Variants in NAALADL2 observed in about 807,000 individuals in gnomAD.
NAALADL2 encodes N-acetylated alpha-linked acidic dipeptidase like 2.
In NAALADL2, 76 loss-of-function variants were observed where a neutral mutation model predicts 87.2. The ratio of observed to expected loss-of-function variants is 0.87; its 90% CI spans 0.72 to 1.05. NAALADL2 has a LOEUF of 1.05. Ranked by LOEUF, NAALADL2 falls within the 50% of genes least tolerant of loss-of-function variation. The probability of loss-of-function intolerance (pLI) is 0.00; values close to 1 mark genes in which losing one functional copy is unlikely to be tolerated. For missense variants in NAALADL2, 1,089 were observed against 945.8 expected, an observed-to-expected ratio of 1.15 and a Z score of -1.99; for synonymous variants, 354 against 331.0, an observed-to-expected ratio of 1.07 and a Z score of -0.75.
intron 1 of NAALADL2, among the ~76,000 whole-genome samples, chr3:174,918,466 C>T (rs1427172374): frequency 6.6e-6 from 1 of 152,146 alleles, no homozygotes; most frequent in Non-Finnish European, 1.5e-5. Context: ...GGATTTATTA[C>T]TGCTCACTAG....
At chr3:175,408,984 A>G (rs912785741) in intron 5 of NAALADL2, among the ~76,000 whole-genome samples, 1 of 151,956 alleles carries the variant, frequency 6.6e-6, no homozygotes, top group African/African-American at 2.4e-5. Context: ...AGTTATTTAC[A>G]CTATACCCAC....
intron 6 of NAALADL2, among the ~76,000 whole-genome samples, chr3:175,447,973 A>G (rs1720963679): frequency 6.6e-6 from 1 of 152,176 alleles, no homozygotes; most frequent in Non-Finnish European, 1.5e-5. Flanking sequence ...GGTTCTAAAG[A>G]AAAGCCTCTC....
chr3:175,096,209 CAG>C (rs1455200998), intron 1 of NAALADL2, among the ~76,000 whole-genome samples: 4 of 152,060 alleles, frequency 2.6e-5, no homozygotes, highest in African/African-American at 9.7e-5. Flanking sequence ...TGTAACATAA[CAG>C]ATTTTGCTTC....
chr3:175,194,493 T>A (rs1327370052), intron 2 of NAALADL2, among the ~76,000 whole-genome samples: 1 of 151,814 alleles, frequency 6.6e-6, no homozygotes, highest in Non-Finnish European at 1.5e-5. Context: ...TCAATTTTAA[T>A]GAAAGGTAGG....
At chr3:175,228,748 A>G (rs1581017847) in intron 2 of NAALADL2, among the ~76,000 whole-genome samples, 1 of 151,936 alleles carries the variant, frequency 6.6e-6, no homozygotes, top group Non-Finnish European at 1.5e-5. Context: ...AATAATATCC[A>G]ACCTCTTCTA....
chr3:175,253,742 C>T (rs756301408), intron 3 of NAALADL2, among the ~76,000 whole-genome samples: 5 of 152,068 alleles, frequency 3.3e-5, no homozygotes, highest in African/African-American at 7.2e-5. Flanking sequence ...TCAGCATTAA[C>T]GGGAGTTTGA....
chr3:174,524,243 CTA>C lies in NAALADL2; in HGVS notation c.-183-26324_-183-26323del. 2.0e-5 allele frequency among the ~76,000 whole-genome samples: 3 copies of C among 152,238 alleles called. No individual in the cohort carries two copies. The Middle Eastern group carries it at 0.01, about 518-fold the overall frequency. On this transcript the variant is annotated intron_variant, in intron 1 of 3. Transcript: ENST00000434257. Reference sequence around the variant, plus strand: ...TGGCATCCAGTAATACAATTCTTTCCTATCTTTGATATATCAAGGCTCACATA... The same window carrying C: ...TGGCATCCAGTAATACAATTCTTTCCTCTTTGATATATCAAGGCTCACATA...
At chr3:174,466,703 A>G (rs902690544) in intron 1 of NAALADL2, among the ~76,000 whole-genome samples, 1 of 152,148 alleles carries the variant, frequency 6.6e-6, no homozygotes, top group Non-Finnish European at 1.5e-5. Flanking sequence ...GTAGGAAATG[A>G]TAGTTGTGCT....
chr3:175,628,084 A>G (rs947012181), intron 11 of NAALADL2, among the ~76,000 whole-genome samples: 5 of 151,740 alleles, frequency 3.3e-5, no homozygotes, highest in Admixed American at 3.3e-4. Context: ...GTAATGGTTC[A>G]CCTTTCTATT....
At chr3:174,984,790 A>C (rs1393831118) in intron 1 of NAALADL2, among the ~76,000 whole-genome samples, 1 of 152,214 alleles carries the variant, frequency 6.6e-6, no homozygotes, top group African/African-American at 2.4e-5. Context: ...AAGGGAGAAG[A>C]TAGTTTGTTC....
At chr3:174,750,513 T>C (rs1352510058) in intron 3 of NAALADL2, among the ~76,000 whole-genome samples, 1 of 152,076 alleles carries the variant, frequency 6.6e-6, no homozygotes, top group African/African-American at 2.4e-5. Flanking sequence ...TTACTGCAAC[T>C]TCCACCTGCC....
intron 3 of NAALADL2, among the ~76,000 whole-genome samples, chr3:174,815,413 T>C (rs1405933820): frequency 1.3e-5 from 2 of 149,338 alleles, no homozygotes; most frequent in Middle Eastern, 3.5e-3. Flanking sequence ...CATGTATGTG[T>C]CCAAATTTAT....
chr3:175,371,645 C>A (rs1209671229), intron 5 of NAALADL2, among the ~76,000 whole-genome samples: 1 of 151,414 alleles, frequency 6.6e-6, no homozygotes, highest in East Asian at 2.0e-4. Flanking sequence ...GCCAAGATGG[C>A]GAAATCCCGT....
At chr3:174,805,303 C>T (rs1298995439) in intron 3 of NAALADL2, among the ~76,000 whole-genome samples, 1 of 152,120 alleles carries the variant, frequency 6.6e-6, no homozygotes, top group Admixed American at 6.6e-5. Flanking sequence ...CTCCTCTACT[C>T]TTAGATAGTG....
chr3:174,654,650 TC>T (rs1724720206), intron 2 of NAALADL2, among the ~76,000 whole-genome samples: 1 of 152,220 alleles, frequency 6.6e-6, no homozygotes, highest in African/African-American at 2.4e-5. Context: ...TGCCATGTTT[TC>T]TTTAGTGCAA....
intron 12 of NAALADL2, among the ~76,000 whole-genome samples, chr3:175,740,871 A>C (rs1199472684): frequency 6.6e-6 from 1 of 152,148 alleles, no homozygotes; most frequent in Admixed American, 6.5e-5. Context: ...TTTCTTGTGT[A>C]AGATCCAAGA....
At chr3:174,573,759 C>G (rs1715197306) in intron 2 of NAALADL2, among the ~76,000 whole-genome samples, 1 of 152,144 alleles carries the variant, frequency 6.6e-6, no homozygotes, top group South Asian at 2.1e-4. Flanking sequence ...CTCACTCACA[C>G]TCATGAGAAT....
At chr3:174,620,591 A>G in intron 2 of NAALADL2, among the ~76,000 whole-genome samples, 1 of 152,038 alleles carries the variant, frequency 6.6e-6, no homozygotes, top group South Asian at 2.1e-4. Flanking sequence ...TTAACAGAGA[A>G]TATTTAGGAC....
At chr3:174,627,417 GAA>G (rs1721682347) in intron 2 of NAALADL2, among the ~76,000 whole-genome samples, 1 of 152,048 alleles carries the variant, frequency 6.6e-6, no homozygotes, top group Admixed American at 6.6e-5. Context: ...GCCTATTATT[GAA>G]AAGTCAAAAA....
Sources: gnomAD v4.1 joint callset for allele counts (sites outside exome capture counted in the v4.1 genomes callset) on GRCh38, gnomAD v4.1.1 for gene constraint, MANE v1.5 for transcripts, NCBI Gene and HGNC (gene_info 2026-07-23, HGNC 2026-07-21) for gene names.